Variants in FBXO28 observed in about 807,000 individuals in gnomAD.
FBXO28 encodes the protein F-box only protein 28.
A neutral mutation model predicts 38.1 loss-of-function variants in FBXO28; 8 were observed. The observed-to-expected ratio is 0.21, with a 90% CI of 0.12 to 0.38. The LOEUF is 0.38. FBXO28 is among the 10% of genes least tolerant of loss of function. The probability of loss-of-function intolerance (pLI) is 1.00; values close to 1 mark genes in which losing one functional copy is unlikely to be tolerated. For missense variants in FBXO28, 345 were observed against 460.6 expected, an observed-to-expected ratio of 0.75 and a Z score of 2.30; for synonymous variants, 168 against 173.8, an observed-to-expected ratio of 0.97 and a Z score of 0.26.
intron 3 of FBXO28, among the ~76,000 whole-genome samples, chr1:224,143,186 T>A (rs1237537777): frequency 7.1e-6 from 1 of 140,410 alleles, no homozygotes; most frequent in Non-Finnish European, 1.5e-5. Flanking sequence ...GCCACTGCAC[T>A]CCAGCCTGGG....
chr1:224,115,168 A>T (rs1375267838), intron 1 of FBXO28, among the ~76,000 whole-genome samples: 8 of 152,216 alleles, frequency 5.3e-5, no homozygotes, highest in Non-Finnish European at 1.0e-4. Flanking sequence ...TAAAATCACA[A>T]TAGGTCAGTC....
intron 4 of FBXO28, among the ~76,000 whole-genome samples, chr1:224,154,253 C>T (rs1481924615): frequency 6.6e-6 from 1 of 152,216 alleles, no homozygotes; most frequent in Admixed American, 6.5e-5. Flanking sequence ...ATAAAGCATC[C>T]TTGTGTAATT....
At chr1:224,122,545 A>G (rs1179602641) in intron 1 of FBXO28, among the ~76,000 whole-genome samples, 1 of 151,702 alleles carries the variant, frequency 6.6e-6, no homozygotes, top group Non-Finnish European at 1.5e-5. Flanking sequence ...ATTGTTCTCT[A>G]ATCTAGAACA....
chr1:224,133,964 TAA>T lies in FBXO28; in HGVS notation c.378-108_378-107del. 1.1e-5 allele frequency: 8 copies of T among 744,448 alleles called. No homozygotes were observed. The South Asian group carries it at 2.4e-4, about 23-fold the overall frequency. The allele number at this position is 744,448 out of a possible 1,614,324, so 46.1% of individuals were successfully genotyped here. ...AAATTATGACCCAACTGTAGATTTC[TAA>T]ATTAACATGTAAAAGACTGTTTCAT... On this transcript the variant is annotated intron_variant, in intron 2 of 4. Transcript: ENST00000366862.
At chr1:224,132,032 C>T (rs1657059672) in intron 2 of FBXO28, among the ~76,000 whole-genome samples, 1 of 152,126 alleles carries the variant, frequency 6.6e-6, no homozygotes, top group Non-Finnish European at 1.5e-5. Context: ...GTGGGTGGAT[C>T]ACCTGAGGTC....
At position 224,160,046 on chromosome 1, in the gene FBXO28, A is replaced by C. The variant is rs966367984; in HGVS notation, c.*2300A>C. 6.6e-6 allele frequency: 1 copy of C among 152,182 alleles called. No individual in the cohort carries two copies. Among genetic ancestry groups the C allele is most frequent in the African/African-American group, 2.4e-5 (1 of 41,462 alleles). 9.4% of individuals were successfully genotyped at this position (152,182 alleles called of 1,614,324 possible). ...ATGCATGAATGTTCCATGCAGTAGG[A>C]GAATAAAGCACTACAGTTCGGTTGT... On this transcript the variant is annotated 3_prime_UTR_variant, in exon 5 of 5. Coordinates refer to ENST00000366862, the MANE Select transcript of FBXO28 (RefSeq NM_015176.4).
At position 224,126,540 on chromosome 1, in the gene FBXO28, G is replaced by T. The variant is rs1324260970; in HGVS notation, c.268-3932G>T. Among the ~76,000 whole-genome samples the T allele has an allele frequency of 2.6e-5, 4 of 152,202 alleles. No homozygotes were observed. The South Asian group carries it at 6.2e-4, about 24-fold the overall frequency. On this transcript the variant is annotated intron_variant, in intron 1 of 4. Transcript: ENST00000366862. ...TAACTTAACATATCAAATAGGCTGG[G>T]TGCAGTGCTCAACGCCTGTGAACCT...
chr1:224,126,787 G>A lies in FBXO28; in HGVS notation c.268-3685G>A, dbSNP rs1350916876. 2.6e-5 allele frequency among the ~76,000 whole-genome samples: 4 copies of A among 152,180 alleles called. No homozygotes were observed. The East Asian group carries it at 7.7e-4, about 29-fold the overall frequency. ...ATCACGCCACTGCACCCCAGCCTGG[G>A]CAACAGAGCAAGACTCCCTCTAAAA... On this transcript the variant is annotated intron_variant, in intron 1 of 4. Transcript: ENST00000366862.
chr1:224,152,336 G>A (rs560584299), intron 3 of FBXO28, among the ~76,000 whole-genome samples: 4 of 152,284 alleles, frequency 2.6e-5, no homozygotes, highest in Admixed American at 2.6e-4. Flanking sequence ...ATTAAAAAGA[G>A]CAGAGAAATC....
chr1:224,155,333 T>G (rs941121515), intron 4 of FBXO28, among the ~76,000 whole-genome samples: 23 of 151,972 alleles, frequency 1.5e-4, no homozygotes, highest in Non-Finnish European at 2.6e-4. Flanking sequence ...GCCTGGCTAA[T>G]TTTTGTATTT....
At chr1:224,134,924 ATAAT>A (rs1342310632) in intron 3 of FBXO28, among the ~76,000 whole-genome samples, 3 of 152,230 alleles carry the variant, frequency 2.0e-5, no homozygotes, top group African/African-American at 2.4e-5. Context: ...ATGGTTGGAA[ATAAT>A]TAATATCTAG....
In FBXO28 at chr1:224,141,268, GGA is replaced by G. The variant is rs561776359; in HGVS notation, c.516+7059_516+7060del. ...TGGGCGGATCACGAGGTCAGGAGATGGAGACCATCCTGGCTAACAGGTGAAAC... is the reference window on the plus strand; with the variant it reads ...TGGGCGGATCACGAGGTCAGGAGATGGACCATCCTGGCTAACAGGTGAAAC... On this transcript the variant is annotated intron_variant, in intron 3 of 4. Transcript: ENST00000366862. 4.5e-3 allele frequency among the ~76,000 whole-genome samples: 688 copies of G among 152,000 alleles called. 7 individuals carry two copies. Among genetic ancestry groups the G allele is most frequent in the African/African-American group, 0.016 (648 of 41,466 alleles).
At chr1:224,138,720 T>G (rs1657259965) in intron 3 of FBXO28, among the ~76,000 whole-genome samples, 1 of 151,786 alleles carries the variant, frequency 6.6e-6, no homozygotes, top group South Asian at 2.1e-4. Flanking sequence ...TAGTCTCTGC[T>G]CTTCTTTTTT....
At chr1:224,147,711 A>G (rs905759515) in intron 3 of FBXO28, among the ~76,000 whole-genome samples, 29 of 151,868 alleles carry the variant, frequency 1.9e-4, no homozygotes, top group African/African-American at 7.0e-4. Flanking sequence ...CATGTGGTAT[A>G]TCATTTGAAA....
chr1:224,158,712 CT>C lies in FBXO28; in HGVS notation c.*967del, dbSNP rs1373172593. ...TCTATCAATATTGGACCTCTGGGAGCTAATACTCCTCTTTGCTCACCACCAT... is the reference window on the plus strand; with the variant it reads ...TCTATCAATATTGGACCTCTGGGAGCAATACTCCTCTTTGCTCACCACCAT... On this transcript the variant is annotated 3_prime_UTR_variant, in exon 5 of 5. Transcript: ENST00000366862. 6.6e-6 allele frequency: 1 copy of C among 152,234 alleles called. No homozygotes were observed. The highest frequency in any genetic ancestry group is 1.5e-5 in the Non-Finnish European group (1 of 68,044). 9.4% of individuals were successfully genotyped at this position (152,234 alleles called of 1,614,324 possible).
At chr1:224,115,147 T>C (rs1656616867) in intron 1 of FBXO28, among the ~76,000 whole-genome samples, 1 of 152,226 alleles carries the variant, frequency 6.6e-6, no homozygotes, top group African/African-American at 2.4e-5. Flanking sequence ...AGGAGAGGTT[T>C]CTTTATACCT....
intron 3 of FBXO28, among the ~76,000 whole-genome samples, chr1:224,145,073 G>C (rs1309652221): frequency 6.6e-6 from 1 of 150,972 alleles, no homozygotes; most frequent in South Asian, 2.1e-4. Context: ...CTTGAGGTCA[G>C]GCGTTCAAGA....
intron 2 of FBXO28, among the ~76,000 whole-genome samples, chr1:224,132,589 T>C (rs1243617385): frequency 2.6e-5 from 4 of 152,110 alleles, no homozygotes; most frequent in African/African-American, 7.2e-5. Flanking sequence ...GTGGATCACC[T>C]GAGGTCAGGA....
At chr1:224,132,124 G>A (rs184360925) in intron 2 of FBXO28, among the ~76,000 whole-genome samples, 9 of 152,078 alleles carry the variant, frequency 5.9e-5, no homozygotes, top group Admixed American at 2.6e-4. Context: ...ATGGTGGCGG[G>A]TGCCTGTAAT....
Sources: allele counts gnomAD v4.1 joint callset (sites outside exome capture counted in the v4.1 genomes callset), GRCh38; gene constraint gnomAD v4.1.1; transcripts MANE v1.5; gene names NCBI Gene and HGNC (gene_info 2026-07-23, HGNC 2026-07-21).